RHOT1: variants seen among roughly 807,000 people sequenced by gnomAD.
The protein encoded by RHOT1 is mitochondrial Rho GTPase 1.
RHOT1 carries 27 observed loss-of-function variants against 95.3 expected under a neutral mutation model. The ratio of observed to expected loss-of-function variants is 0.28; its 90% CI spans 0.21 to 0.39. RHOT1 has a LOEUF of 0.39. RHOT1 is among the 10% of genes least tolerant of loss of function. The pLI, the probability that RHOT1 is intolerant of heterozygous loss-of-function variation, is 1.00. For missense variants in RHOT1, 578 were observed against 786.7 expected (o/e 0.73, Z 3.17); for synonymous variants, 227 against 263.5 (o/e 0.86, Z 1.34).
chr17:32,152,265 GA>G (rs1042584634), intron 1 of RHOT1, among the ~76,000 whole-genome samples: 5 of 152,338 alleles, frequency 3.3e-5, no homozygotes, highest in Non-Finnish European at 7.3e-5. Flanking sequence ...TGCTGGAATA[GA>G]CCTGGTGTAC....
intron 13 of RHOT1, 63 bp downstream of exon 13, chr17:32,199,613 C>T (rs1427605818): frequency 2.2e-6 from 3 of 1,376,290 alleles, no homozygotes; most frequent in Non-Finnish European, 2.9e-6. Flanking sequence ...TGGTGTATTA[C>T]ATTTGTCACT....
chr17:32,186,290 T>A (rs1396435386), intron 8 of RHOT1, among the ~76,000 whole-genome samples: 2 of 152,166 alleles, frequency 1.3e-5, no homozygotes, highest in Admixed American at 6.6e-5. Context: ...GCTAATGATG[T>A]TGTGTAATTT....
chr17:32,216,294 T>C (rs1317464519), intron 19 of RHOT1, among the ~76,000 whole-genome samples: 1 of 152,162 alleles, frequency 6.6e-6, no homozygotes, highest in Non-Finnish European at 1.5e-5. Context: ...GGTTTTTGTG[T>C]ATAATCTCAC....
rs34989749 is a variant in RHOT1, at chr17:32,204,982, CA to C, written c.1416+1023del. On this transcript the variant is annotated intron_variant, in intron 16 of 19. Coordinates refer to ENST00000545287, the MANE Select transcript of RHOT1 (RefSeq NM_001033566.3). Reference sequence around the variant, plus strand: ...TGGGCAACAAAGTGAGACTCCGTCTCAAAAAAAAAAAAAAGTCGAAAAAACT... The same window carrying C: ...TGGGCAACAAAGTGAGACTCCGTCTCAAAAAAAAAAAAAGTCGAAAAAACT... Among the ~76,000 whole-genome samples the C allele has an allele frequency of 8.6e-3, 1,022 of 118,584 alleles. 13 individuals are homozygous for C. The highest frequency in any genetic ancestry group is 0.025 in the African/African-American group (816 of 32,590). The allele number at this position is 118,584 out of a possible 152,430, so 77.8% of individuals were successfully genotyped here. A position where few individuals can be genotyped will look rare whatever the true frequency, so the allele number is the denominator to read the frequency against.
At chr17:32,164,865 C>G (rs2033900057) in intron 1 of RHOT1, among the ~76,000 whole-genome samples, 1 of 150,184 alleles carries the variant, frequency 6.7e-6, no homozygotes, top group South Asian at 2.1e-4. Flanking sequence ...TACCCTGTCT[C>G]AAAAATAAAT....
At chr17:32,175,060 C>T (rs2034885367) in intron 3 of RHOT1, among the ~76,000 whole-genome samples, 1 of 152,208 alleles carries the variant, frequency 6.6e-6, no homozygotes, top group Non-Finnish European at 1.5e-5. Flanking sequence ...CCCTTTTCAA[C>T]TCTGGACCAG....
At chr17:32,166,758 C>T (rs968617318) in intron 1 of RHOT1, among the ~76,000 whole-genome samples, 1 of 152,162 alleles carries the variant, frequency 6.6e-6, no homozygotes, top group Non-Finnish European at 1.5e-5. Context: ...CATTTTTAGG[C>T]TTCACTTCTA....
chr17:32,204,032 C>A, intron 16 of RHOT1, 59 bp downstream of exon 16: 1 of 1,175,432 alleles, frequency 8.5e-7, no homozygotes, highest in Middle Eastern at 2.1e-4. Flanking sequence ...TTAAATGACT[C>A]TTTGAAAACA....
At chr17:32,221,103 C>T in intron 19 of RHOT1, 1 of 962,212 alleles carries the variant, frequency 1.0e-6, no homozygotes. Context: ...CGTGGTGGCT[C>T]ACGCCTGTAA....
intron 1 of RHOT1, among the ~76,000 whole-genome samples, chr17:32,147,849 G>A (rs2031614963): frequency 6.6e-6 from 1 of 151,650 alleles, no homozygotes; most frequent in Non-Finnish European, 1.5e-5. Flanking sequence ...AACTGCTCCA[G>A]TTTCAATTAC....
In RHOT1 at chr17:32,142,710, G is replaced by A; in HGVS notation, c.18G>A (p.Arg6=). The A allele has an allele frequency of 6.5e-7, 1 of 1,528,314 alleles. No homozygotes were observed. The allele number at this position is 1,528,314 out of a possible 1,614,324, so 94.7% of individuals were successfully genotyped here. A position where few individuals can be genotyped will look rare whatever the true frequency, so the allele number is the denominator to read the frequency against. Residue 6 remains arginine (R), a synonymous_variant, in exon 1 of 20, where the codon CGG becomes CGA. Coordinates refer to ENST00000545287, the MANE Select transcript of RHOT1 (RefSeq NM_001033566.3). ...CCGCCGACATGAAGAAAGACGTGCG[G>A]ATCCTGCTGGTGGGAGAACGTGAGT... MKKDV[R]ILLVGEPRVG... is the part of the protein sequence containing the mutation.
chr17:32,185,401 C>T (rs1294853339), intron 8 of RHOT1, among the ~76,000 whole-genome samples: 1 of 151,994 alleles, frequency 6.6e-6, no homozygotes, highest in Non-Finnish European at 1.5e-5. Context: ...TGAACTACTG[C>T]TCCTGGCCTA....
At chr17:32,143,349 A>G (rs1390083715) in intron 1 of RHOT1, among the ~76,000 whole-genome samples, 1 of 152,184 alleles carries the variant, frequency 6.6e-6, no homozygotes, top group Non-Finnish European at 1.5e-5. Context: ...TTTTAGCAGT[A>G]CTTGTACTTT....
intron 16 of RHOT1, among the ~76,000 whole-genome samples, chr17:32,205,732 C>G (rs1358349765): frequency 6.6e-6 from 1 of 152,118 alleles, no homozygotes; most frequent in Non-Finnish European, 1.5e-5. Flanking sequence ...CCTAGCCTGA[C>G]CAACGTGGAG....
intron 1 of RHOT1, among the ~76,000 whole-genome samples, chr17:32,168,271 AT>A (rs1405115767): frequency 6.6e-6 from 1 of 151,868 alleles, no homozygotes; most frequent in Non-Finnish European, 1.5e-5. Flanking sequence ...ATACACATGC[AT>A]GTATTTTTTC....
At chr17:32,162,667 C>G (rs1426231791) in intron 1 of RHOT1, among the ~76,000 whole-genome samples, 2 of 152,130 alleles carry the variant, frequency 1.3e-5, no homozygotes, top group African/African-American at 4.8e-5. Context: ...GCTAGAGGCC[C>G]TTTTCCCATT....
intron 8 of RHOT1, among the ~76,000 whole-genome samples, chr17:32,189,260 C>T (rs1289946706): frequency 6.6e-6 from 1 of 152,132 alleles, no homozygotes; most frequent in Non-Finnish European, 1.5e-5. Flanking sequence ...GATCGTGCCA[C>T]TGCACTCCAG....
At chr17:32,153,741 G>T (rs968114834) in intron 1 of RHOT1, among the ~76,000 whole-genome samples, 7 of 152,228 alleles carry the variant, frequency 4.6e-5, no homozygotes, top group Non-Finnish European at 1.0e-4. Flanking sequence ...TGGTAGTTGT[G>T]ATTATGGAGA....
intron 8 of RHOT1, among the ~76,000 whole-genome samples, chr17:32,187,084 C>T (rs2036116723): frequency 6.6e-6 from 1 of 151,834 alleles, no homozygotes; most frequent in Middle Eastern, 3.4e-3. Flanking sequence ...GCCAGGAGTT[C>T]GAGACCAGCG....
Sources: gnomAD v4.1 joint callset for allele counts (sites outside exome capture counted in the v4.1 genomes callset) on GRCh38, gnomAD v4.1.1 for gene constraint, MANE v1.5 for transcripts, NCBI Gene and HGNC (gene_info 2026-07-23, HGNC 2026-07-21) for gene names.